Variants in WDR27 observed in about 807,000 individuals in gnomAD.
WDR27 encodes the protein WD repeat-containing protein 27.
In WDR27, 100 loss-of-function variants were observed where a neutral mutation model predicts 114.4. The observed-to-expected ratio is 0.87, with a 90% CI of 0.74 to 1.03. The LOEUF is 1.03. Among genes scored for constraint, WDR27 ranks in the 50% least tolerant of loss-of-function variants. The pLI, the probability that WDR27 is intolerant of heterozygous loss-of-function variation, is 0.00. For missense variants in WDR27, 1,129 were observed against 1,092.9 expected, an observed-to-expected ratio of 1.03 and a Z score of -0.47; for synonymous variants, 449 against 423.1, an observed-to-expected ratio of 1.06 and a Z score of -0.75.
chr6:169,442,177 A>G, the WDR27 span, among the ~76,000 whole-genome samples: 1 of 152,352 alleles, frequency 6.6e-6, no homozygotes, highest in South Asian at 2.1e-4. Context: ...CTGTTTTCTC[A>G]GTGTTGTGTT....
intron 25 of WDR27, among the ~76,000 whole-genome samples, chr6:169,457,999 G>GAGGAGGAGGAGC (rs1177696151): frequency 1.3e-5 from 2 of 151,444 alleles, no homozygotes; most frequent in African/African-American, 4.9e-5. Context: ...GGAGGAGGAG[G>GAGGAGGAGGAGC]AGGAGGAGGT....
chr6:169,587,564 T>C (rs1468384600), intron 23 of WDR27, among the ~76,000 whole-genome samples: 2 of 152,246 alleles, frequency 1.3e-5, no homozygotes, highest in Non-Finnish European at 2.9e-5. Context: ...CTGCTGCCTC[T>C]TGGTCAGCAG....
At chr6:169,681,560 T>C (rs1257181796) in intron 2 of WDR27, among the ~76,000 whole-genome samples, 2 of 152,224 alleles carry the variant, frequency 1.3e-5, no homozygotes, top group Non-Finnish European at 2.9e-5. Flanking sequence ...GCCTTGAGCC[T>C]GAAAACAAAA....
intron 25 of WDR27, among the ~76,000 whole-genome samples, chr6:169,486,001 G>A (rs1024478719): frequency 3.3e-5 from 5 of 152,114 alleles, no homozygotes; most frequent in African/African-American, 1.2e-4. Context: ...GCGTATTGAG[G>A]GTGGAGGTGG....
rs1407651123 is a variant in WDR27 at position 169,457,507 on chromosome 6, CCT to C, written c.*83_*84del. 8 of 1,209,658 alleles carry C rather than the reference CCT, an allele frequency of 6.6e-6. No individual in the cohort carries two copies. The highest frequency in any genetic ancestry group is 8.0e-6 in the Non-Finnish European group (7 of 875,026). The allele number at this position is 1,209,658 out of a possible 1,614,324, so 74.9% of individuals were successfully genotyped here. On this transcript the variant is annotated 3_prime_UTR_variant, in exon 26 of 26. Coordinates refer to ENST00000448612, the MANE Select transcript of WDR27 (RefSeq NM_182552.5). ...GAAAAACAGTTGCTGCTTCTGGCCC[CCT>C]GATGGATGAACCACTACTTCTTACT...
At chr6:169,665,749 C>G (rs564745691) in intron 6 of WDR27, among the ~76,000 whole-genome samples, 193 bp from the exon 7 acceptor site, 4 of 151,978 alleles carry the variant, frequency 2.6e-5, no homozygotes, top group Non-Finnish European at 5.9e-5. Flanking sequence ...TGTTGAAAAC[C>G]CCATAAACAC....
At chr6:169,683,108 G>A (rs557778812) in intron 2 of WDR27, among the ~76,000 whole-genome samples, 39 of 152,154 alleles carry the variant, frequency 2.6e-4, no homozygotes, top group Non-Finnish European at 4.9e-4. Context: ...TAGAGTTAAA[G>A]AAGGAATTGA....
intron 8 of WDR27, among the ~76,000 whole-genome samples, chr6:169,662,727 CGCGGA>C (rs1826627572): frequency 7.7e-6 from 1 of 129,514 alleles, no homozygotes; most frequent in Non-Finnish European, 1.6e-5. Flanking sequence ...GCGTGTGCAC[CGCGGA>C]GTACTCAGAT....
intron 25 of WDR27, among the ~76,000 whole-genome samples, chr6:169,483,876 C>G (rs1214099509): frequency 1.3e-5 from 2 of 151,944 alleles, no homozygotes; most frequent in African/African-American, 2.4e-5. Context: ...TCAACATACA[C>G]AAATCAATAA....
Position 169,457,620 on chromosome 6 carries a change from G to A in WDR27, c.2660C>T (p.Pro887Leu), listed in dbSNP as rs753090839. 2 of 1,552,080 alleles carry A rather than the reference G, an allele frequency of 1.3e-6. No homozygotes were observed. Among genetic ancestry groups the A allele is most frequent in the Non-Finnish European group, 1.7e-6 (2 of 1,147,044 alleles). Residue 887 changes from proline (P) to leucine (L), a missense_variant, in exon 26 of 26, where the codon CCT (proline) becomes CTT (leucine). Physicochemically the swap from Pro to Leu is moderately conservative, Grantham distance 98. Coordinates refer to ENST00000448612, the MANE Select transcript of WDR27 (RefSeq NM_182552.5). ...GAAAGAGCTGGAGTTTACCATCCAA[G>A]GTAGCTGTGGCAAGCTGTAATTGAA... Reference protein sequence around the residue: ...SSWDYSLPQLPWMVNSSSF With the variant: ...SSWDYSLPQLLWMVNSSSF
chr6:169,474,880 C>T (rs1266558847), intron 25 of WDR27, among the ~76,000 whole-genome samples: 1 of 152,180 alleles, frequency 6.6e-6, no homozygotes, highest in East Asian at 1.9e-4. Flanking sequence ...TGAATCTATA[C>T]CACATGGCAG....
At chr6:169,657,715 G>A (rs1404406151) in intron 13 of WDR27, 1 of 153,112 alleles carries the variant, frequency 6.5e-6, no homozygotes, top group Non-Finnish European at 1.5e-5. Context: ...GATGCAACAT[G>A]TGGATTTGTT....
chr6:169,595,765 T>C (rs1410692865), intron 23 of WDR27, among the ~76,000 whole-genome samples: 30 of 146,564 alleles, frequency 2.0e-4, no homozygotes, highest in Non-Finnish European at 3.9e-4. Flanking sequence ...TCTTCAATCT[T>C]ACCTTGGTTT....
intron 25 of WDR27, among the ~76,000 whole-genome samples, chr6:169,459,284 T>A (rs998615674): frequency 5.3e-5 from 8 of 151,702 alleles, no homozygotes; most frequent in African/African-American, 1.9e-4. Context: ...AACAAAAAAA[T>A]TTTCAAGCTA....
chr6:169,651,664 C>T (rs1048988095), intron 14 of WDR27, among the ~76,000 whole-genome samples: 6 of 152,178 alleles, frequency 3.9e-5, no homozygotes, highest in Admixed American at 2.6e-4. Context: ...CCTCACCTCC[C>T]GGGACCACCA....
intron 25 of WDR27, among the ~76,000 whole-genome samples, chr6:169,542,257 G>A (rs958351151): frequency 2.0e-5 from 3 of 152,060 alleles, no homozygotes; most frequent in African/African-American, 7.2e-5. Context: ...GAAAAATATT[G>A]ACTTTATAAT....
At chr6:169,505,872 T>C (rs1228493602) in intron 25 of WDR27, among the ~76,000 whole-genome samples, 8 of 152,186 alleles carry the variant, frequency 5.3e-5, no homozygotes, top group African/African-American at 1.9e-4. Flanking sequence ...AATCTGCTTG[T>C]CTAACACATC....
At chr6:169,465,321 A>G (rs1255038647) in intron 25 of WDR27, among the ~76,000 whole-genome samples, 2 of 152,066 alleles carry the variant, frequency 1.3e-5, no homozygotes, top group East Asian at 1.9e-4. Flanking sequence ...CATCATTTGT[A>G]AAATGCAAAT....
In WDR27 at chr6:169,659,496, C is replaced by T. The variant is rs1207906274; in HGVS notation, c.1152G>A (p.Leu384=). 3 of 1,610,206 alleles carry T rather than the reference C, an allele frequency of 1.9e-6. No homozygotes were observed. The highest frequency in any genetic ancestry group is 2.5e-6 in the Non-Finnish European group (3 of 1,178,344). Residue 384 remains leucine (L), a synonymous_variant, in exon 11 of 26, where the codon CTG becomes CTA. Coordinates refer to ENST00000448612, the MANE Select transcript of WDR27 (RefSeq NM_182552.5). This position sits in a 1 kb window ranked among gnomAD's most constrained non-coding sequence, Gnocchi z 4.3. The part of the protein sequence containing the change: ...YYKDFQSLSI[L]LAGSCALRNR... ...TCCTCAGGGCACACGATCCGGCCAG[C>T]AGGATGCTGAGGCTCTGGAAATCTT...
Sources: allele counts gnomAD v4.1 joint callset (sites outside exome capture counted in the v4.1 genomes callset), GRCh38; gene constraint gnomAD v4.1.1; non-coding constraint Gnocchi (gnomAD v3.1); transcripts MANE v1.5; gene names NCBI Gene and HGNC (gene_info 2026-07-23, HGNC 2026-07-21).